Variants in CPS1 observed in about 807,000 individuals in gnomAD.
The protein encoded by CPS1 is carbamoyl-phosphate synthase 1, also known as carbamoyl-phosphate synthase [ammonia], mitochondrial.
CPS1 carries 109 observed loss-of-function variants against 174.6 expected under a neutral mutation model. That is an observed-to-expected ratio of 0.62 (90% CI 0.53 to 0.73). The LOEUF is 0.73. Ranked by LOEUF, CPS1 falls within the 30% of genes least tolerant of loss-of-function variation. The pLI is 0.00. For missense variants in CPS1, 1,689 were observed against 1,821.9 expected (o/e 0.93, Z 1.33); for synonymous variants, 637 against 632.0 (o/e 1.01, Z -0.12).
Position 210,612,168 on chromosome 2 carries a change from A to G in CPS1, c.2443A>G (p.Met815Val), listed in dbSNP as rs1345881365. ...GGAGAGTTTCCAGAAAGCTTTACGG[A>G]TGTGCCACCCATCTATAGAAGGTTT... ...FEESFQKALR[M>V]CHPSIEGFTP... The change falls in exon 20 of 38, where the codon ATG becomes GTG. Residue 815 changes from methionine (M) to valine (V), a missense_variant. By Grantham distance (21) the Met-to-Val change is conservative. Coordinates refer to ENST00000233072, the MANE Select transcript of CPS1 (RefSeq NM_001875.5). The G allele has an allele frequency of 6.2e-7, 1 of 1,612,252 alleles. No individual in the cohort carries two copies. The highest frequency in any genetic ancestry group is 8.5e-7 in the Non-Finnish European group (1 of 1,178,838).
At chr2:210,504,091 G>A (rs2105966107) in intron 1 of CPS1, among the ~76,000 whole-genome samples, 1 of 152,198 alleles carries the variant, frequency 6.6e-6, no homozygotes. Flanking sequence ...GTTGTTCAGG[G>A]AGATGCTGCG....
In CPS1 at chr2:210,573,672, G is replaced by A. The variant is rs7573258; in HGVS notation, c.236+265G>A. ...AACAAAATGAATTCTAGAAACTTAG[G>A]TTGTGAGGACACAGGTTATGTGAGA... On this transcript the variant is annotated intron_variant, in intron 2 of 37. Transcript: ENST00000233072. 0.63 allele frequency among the ~76,000 whole-genome samples: 94,951 copies of A among 151,840 alleles called. 30,317 individuals carry two copies. Among genetic ancestry groups the A allele is most frequent in the African/African-American group, 0.75 (31,191 of 41,436 alleles).
chr2:210,477,782 G>T, intron 1 of CPS1: 2 of 1,613,266 alleles, frequency 1.2e-6, no homozygotes, highest in South Asian at 2.2e-5. Context: ...TCTTAAGCTG[G>T]ATATCTCTCA....
At chr2:210,637,448 A>G (rs1356545943) in intron 21 of CPS1, among the ~76,000 whole-genome samples, 1 of 152,180 alleles carries the variant, frequency 6.6e-6, no homozygotes, top group African/African-American at 2.4e-5. Context: ...CATTTTTTAT[A>G]AAAGCAGCAG....
At chr2:210,662,584 G>A (rs963879418) in intron 32 of CPS1, among the ~76,000 whole-genome samples, 5 of 152,238 alleles carry the variant, frequency 3.3e-5, no homozygotes, top group Non-Finnish European at 7.3e-5. Context: ...TCATATGAAA[G>A]TTCTGCACAA....
intron 28 of CPS1, among the ~76,000 whole-genome samples, chr2:210,652,742 G>C (rs1241491816): frequency 6.6e-6 from 1 of 152,118 alleles, no homozygotes; most frequent in Non-Finnish European, 1.5e-5. Context: ...TTGGAATTGA[G>C]GACCAAGATC....
intron 19 of CPS1, among the ~76,000 whole-genome samples, chr2:210,609,740 A>G (rs1699044645): frequency 1.3e-5 from 2 of 151,810 alleles, no homozygotes; most frequent in Admixed American, 6.6e-5. Context: ...TTTATGACAT[A>G]TTTTTCCATA....
chr2:210,612,078 CTCTT>C (rs769753268), intron 19 of CPS1, 35 bp from the exon 20 acceptor site: 15 of 1,569,204 alleles, frequency 9.6e-6, no homozygotes, highest in Middle Eastern at 1.7e-4. Context: ...GATACATAAG[CTCTT>C]TCTTTCAATA....
intron 1 of CPS1, among the ~76,000 whole-genome samples, chr2:210,483,559 A>C (rs1694633546): frequency 6.6e-6 from 1 of 152,116 alleles, no homozygotes; most frequent in Non-Finnish European, 1.5e-5. Flanking sequence ...AGCTCCAGCC[A>C]CCAGCATTTC....
rs190566615 is a variant in CPS1 at position 210,629,338 on chromosome 2, G to A, written c.2688-8364G>A. Among the ~76,000 whole-genome samples, 52 of 151,032 alleles carry A rather than the reference G, an allele frequency of 3.4e-4. No individual in the cohort carries two copies. In the East Asian group the frequency reaches 5.1e-3, roughly 15 times the overall value. ...CTTTTTTTTTCTTTTTTTTTGAGAC[G>A]GAGTCTCGCTCTGTCGCCCAGGCTG... is the stretch of plus-strand genomic sequence containing the variant. On this transcript the variant is annotated intron_variant, in intron 21 of 37. Transcript: ENST00000233072.
At chr2:210,620,461 T>G (rs898866542) in intron 21 of CPS1, among the ~76,000 whole-genome samples, 2 of 152,106 alleles carry the variant, frequency 1.3e-5, no homozygotes, top group African/African-American at 4.8e-5. Flanking sequence ...TATTAGGCCA[T>G]TCTTGCATTG....
intron 1 of CPS1, among the ~76,000 whole-genome samples, chr2:210,526,074 C>T (rs1400214483): frequency 6.6e-6 from 1 of 151,726 alleles, no homozygotes; most frequent in Admixed American, 6.6e-5. Flanking sequence ...GAGTTTATGT[C>T]CTTTGCAGGG....
intron 1 of CPS1, among the ~76,000 whole-genome samples, chr2:210,535,152 A>T (rs1274460244): frequency 2.6e-5 from 4 of 152,174 alleles, no homozygotes; most frequent in Non-Finnish European, 5.9e-5. Context: ...TAGACTCTGA[A>T]ACTCTAGGAG....
Position 210,556,739 on chromosome 2 carries a change from G to A in CPS1, c.6G>A (p.Thr2=), listed in dbSNP as rs374246990. The A allele has an allele frequency of 3.0e-5, 49 of 1,612,420 alleles. No homozygotes were observed. The African/African-American group carries it at 5.5e-4, about 18-fold the overall frequency. The change falls in exon 1 of 38, where the codon ACG becomes ACA. Residue 2 remains threonine (T), a synonymous_variant. Transcript: ENST00000233072. M[T]RILTAFKVVR... is the part of the protein sequence containing the mutation. ...TTTAGCCACAAATCATCAAAATGACGAGGATTTTGACAGCTTTCAAAGTGG... is the reference window on the plus strand; with the variant it reads ...TTTAGCCACAAATCATCAAAATGACAAGGATTTTGACAGCTTTCAAAGTGG...
At chr2:210,649,129 A>G (rs1428950286) in intron 27 of CPS1, among the ~76,000 whole-genome samples, 2 of 152,224 alleles carry the variant, frequency 1.3e-5, no homozygotes, top group Non-Finnish European at 2.9e-5. Flanking sequence ...AAGGGATAAT[A>G]AAAGAAACAC....
chr2:210,624,860 T>C (rs1559113294), intron 21 of CPS1, among the ~76,000 whole-genome samples: 1 of 152,072 alleles, frequency 6.6e-6, no homozygotes, highest in Non-Finnish European at 1.5e-5. Flanking sequence ...TATGTTTCTG[T>C]ATATTAATTA....
chr2:210,539,462 G>A (rs1292619485), intron 1 of CPS1, among the ~76,000 whole-genome samples: 1 of 152,070 alleles, frequency 6.6e-6, no homozygotes, highest in Admixed American at 6.6e-5. Context: ...TCTGATCTAC[G>A]AGTCTAATCT....
At chr2:210,483,083 G>A (rs1477750279) in intron 1 of CPS1, among the ~76,000 whole-genome samples, 3 of 152,086 alleles carry the variant, frequency 2.0e-5, no homozygotes, top group Admixed American at 6.6e-5. Flanking sequence ...TTCTTCAGGT[G>A]GAATAATTCA....
At chr2:210,632,742 T>C (rs1194388714) in intron 21 of CPS1, among the ~76,000 whole-genome samples, 1 of 152,192 alleles carries the variant, frequency 6.6e-6, no homozygotes, top group Non-Finnish European at 1.5e-5. Flanking sequence ...TTCATGATCA[T>C]GTCTAAAGAG....
Sources: allele counts gnomAD v4.1 joint callset (sites outside exome capture counted in the v4.1 genomes callset), GRCh38; gene constraint gnomAD v4.1.1; transcripts MANE v1.5; gene names NCBI Gene and HGNC (gene_info 2026-07-23, HGNC 2026-07-21).